Variants in OTOGL observed in about 807,000 individuals in gnomAD.
OTOGL encodes the protein otogelin like, also known as otogelin-like protein.
OTOGL carries 285 observed loss-of-function variants against 318.5 expected under a neutral mutation model. That is an observed-to-expected ratio of 0.89 (90% CI 0.81 to 0.99). The LOEUF is 0.99. Among genes scored for constraint, OTOGL ranks in the 50% least tolerant of loss-of-function variants. OTOGL has a pLI of 0.00. For missense variants in OTOGL, 2,899 were observed against 2,845.6 expected (o/e 1.02, Z -0.43); for synonymous variants, 987 against 936.5 (o/e 1.05, Z -0.99).
intron 1 of OTOGL, among the ~76,000 whole-genome samples, chr12:80,196,021 A>C (rs977290969): frequency 1.3e-5 from 2 of 152,176 alleles, no homozygotes; most frequent in Non-Finnish European, 2.9e-5. Flanking sequence ...GTATGCAAAA[A>C]ATCATCCTTG....
chr12:80,267,093 C>T (rs897334651), intron 21 of OTOGL, among the ~76,000 whole-genome samples, 160 bp from the exon 22 acceptor site: 4 of 152,084 alleles, frequency 2.6e-5, no homozygotes, highest in African/African-American at 9.7e-5. Flanking sequence ...GTCTAAGCAG[C>T]TTTTGCCATT....
chr12:80,233,874 GT>G (rs1333728258), intron 9 of OTOGL, among the ~76,000 whole-genome samples: 4 of 152,138 alleles, frequency 2.6e-5, no homozygotes, highest in Non-Finnish European at 5.9e-5. Flanking sequence ...TTTATGCTTA[GT>G]TTCTTCAGCT....
At chr12:80,303,744 G>T (rs888978397) in intron 28 of OTOGL, among the ~76,000 whole-genome samples, 3 of 152,060 alleles carry the variant, frequency 2.0e-5, no homozygotes, top group African/African-American at 7.2e-5. Context: ...TAACCATCAG[G>T]TGTCATGAGA....
intron 1 of OTOGL, among the ~76,000 whole-genome samples, chr12:80,169,821 G>C (rs985997301): frequency 6.6e-6 from 1 of 152,134 alleles, no homozygotes; most frequent in African/African-American, 2.4e-5. Flanking sequence ...GGACACATCT[G>C]TCCTTATTGC....
Position 80,253,559 on chromosome 12 carries a change from A to G in OTOGL, c.1379A>G (p.Gln460Arg), listed in dbSNP as rs1383189883. Residue 460 changes from glutamine to arginine, a missense_variant, in exon 14 of 59, where the codon CAA becomes CGA. Gln to Arg is a conservative substitution (Grantham distance 43). This residue lies in a region of OTOGL where 2,607 missense variants were observed against 2,524.9 expected (regional missense o/e 1.03). Coordinates refer to ENST00000547103, the MANE Select transcript of OTOGL (RefSeq NM_001378609.3). ...LAYSVGSKIE[Q>R]ECTECVCVGG... ...TATTCAGTTGGTTCAAAAATTGAAC[A>G]AGAATGTACTGAATGGTATGTGATC... 3.1e-6 allele frequency: 5 copies of G among 1,608,530 alleles called. No individual in the cohort carries two copies. The highest frequency in any genetic ancestry group is 2.2e-5 in the East Asian group (1 of 44,836).
Position 80,266,441 on chromosome 12 carries a change from T to G in OTOGL, c.2225-10T>G. ...GCAATCTTTCTCAAGTGATACTTCT[T>G]TGTCCTTAGCTGTGGTGTGCCAGAA... On this transcript the variant is annotated splice_polypyrimidine_tract_variant and intron_variant, in intron 20 of 58. Coordinates refer to ENST00000547103, the MANE Select transcript of OTOGL (RefSeq NM_001378609.3). 6.2e-7 allele frequency: 1 copy of G among 1,613,002 alleles called. No homozygotes were observed. Among genetic ancestry groups the G allele is most frequent in the Non-Finnish European group, 8.5e-7 (1 of 1,179,328 alleles).
chr12:80,261,518 CT>C (rs1364149182), intron 18 of OTOGL, among the ~76,000 whole-genome samples: 6 of 151,978 alleles, frequency 3.9e-5, no homozygotes, highest in Non-Finnish European at 8.8e-5. Flanking sequence ...TTTGTCTTTA[CT>C]TTGAAAAAAA....
At position 80,226,747 on chromosome 12, in the gene OTOGL, G is replaced by A. The variant is rs1878892561; in HGVS notation, c.490-2510G>A. 2.0e-5 allele frequency among the ~76,000 whole-genome samples: 3 copies of A among 152,084 alleles called. 1 individual carries two copies. The highest frequency in any genetic ancestry group is 4.1e-4 in the South Asian group (2 of 4,828). On this transcript the variant is annotated intron_variant, in intron 7 of 58. Coordinates refer to ENST00000547103, the MANE Select transcript of OTOGL (RefSeq NM_001378609.3). ...GCTTATTGGATGCTCTGAATGTGTG[G>A]CCAGTGTTTGTAGTGGTGATTAAGC...
intron 1 of OTOGL, among the ~76,000 whole-genome samples, chr12:80,194,442 C>T (rs1309122698): frequency 6.6e-6 from 1 of 152,160 alleles, no homozygotes; most frequent in African/African-American, 2.4e-5. Flanking sequence ...AAATTTAAAT[C>T]ACCCAACAGA....
In OTOGL at chr12:80,302,785, T is replaced by C; in HGVS notation, c.3213+2T>C. The C allele has an allele frequency of 1.4e-6, 2 of 1,477,586 alleles. No homozygotes were observed. Among genetic ancestry groups the C allele is most frequent in the Non-Finnish European group, 1.8e-6 (2 of 1,119,908 alleles). 91.5% of individuals were successfully genotyped at this position (1,477,586 alleles called of 1,614,324 possible). The stretch of plus-strand genomic sequence containing the variant: ...ATCAAAGTTGGGCCACAGTGGAAGG[T>C]AGGTCAACCTAAGCTCCAAATGAGA... On this transcript the variant is annotated splice_donor_variant, in intron 28 of 58. Coordinates refer to ENST00000547103, the MANE Select transcript of OTOGL (RefSeq NM_001378609.3). LOFTEE classifies it high-confidence loss of function.
At chr12:80,330,593 A>C (rs564861757) in intron 37 of OTOGL, among the ~76,000 whole-genome samples, 3 of 152,228 alleles carry the variant, frequency 2.0e-5, no homozygotes, top group African/African-American at 7.2e-5. Context: ...AATATTCAAC[A>C]TTATCTCAAA....
intron 44 of OTOGL, among the ~76,000 whole-genome samples, chr12:80,350,109 T>C (rs1889451757): frequency 6.6e-6 from 1 of 152,232 alleles, no homozygotes; most frequent in African/African-American, 2.4e-5. Context: ...CTCAATTCTA[T>C]AAGATCAACT....
At chr12:80,146,608 G>T (rs1048070689) in intron 1 of OTOGL, among the ~76,000 whole-genome samples, 1 of 151,818 alleles carries the variant, frequency 6.6e-6, no homozygotes, top group African/African-American at 2.4e-5. Context: ...TTTTTCTATT[G>T]ATTGGAATAG....
At chr12:80,278,008 C>T (rs574043913) in intron 24 of OTOGL, among the ~76,000 whole-genome samples, 160 bp from the exon 25 acceptor site, 23 of 151,480 alleles carry the variant, frequency 1.5e-4, no homozygotes, top group Admixed American at 9.9e-4. Context: ...GTGGAAAAAG[C>T]GAGGAGAAAG....
intron 12 of OTOGL, 47 bp downstream of exon 12, chr12:80,251,846 G>T: frequency 6.7e-7 from 1 of 1,491,360 alleles, no homozygotes; most frequent in Non-Finnish European, 9.1e-7. Context: ...GCCAATTTTG[G>T]GTTAAACCTA....
intron 1 of OTOGL, among the ~76,000 whole-genome samples, chr12:80,101,570 A>T (rs1869140747): frequency 6.6e-6 from 1 of 152,244 alleles, no homozygotes; most frequent in African/African-American, 2.4e-5. Flanking sequence ...TTGTTATAAC[A>T]TATTCATCAT....
intron 1 of OTOGL, among the ~76,000 whole-genome samples, chr12:80,120,833 C>G (rs777460034): frequency 2.6e-5 from 4 of 152,158 alleles, no homozygotes; most frequent in Non-Finnish European, 4.4e-5. Flanking sequence ...GTAGTAGACA[C>G]TATGGAGCAT....
At chr12:80,353,814 G>A (rs912939694) in intron 46 of OTOGL, among the ~76,000 whole-genome samples, 4 of 152,160 alleles carry the variant, frequency 2.6e-5, no homozygotes, top group Non-Finnish European at 5.9e-5. Flanking sequence ...TCATGTATTA[G>A]TTGTTCATTT....
At chr12:80,336,238 A>C in intron 39 of OTOGL, 98 bp downstream of exon 39, 4 of 1,369,202 alleles carry the variant, frequency 2.9e-6, no homozygotes, top group Non-Finnish European at 2.9e-6. Context: ...AGCCAAAGTT[A>C]CTGTTTTTGA....
Sources: allele counts gnomAD v4.1 joint callset (sites outside exome capture counted in the v4.1 genomes callset), GRCh38; gene constraint gnomAD v4.1.1; regional missense constraint gnomAD v4.1.1; transcripts MANE v1.5; gene names NCBI Gene and HGNC (gene_info 2026-07-23, HGNC 2026-07-21).